Variants in INTU observed in about 807,000 individuals in gnomAD.
The protein encoded by INTU is inturned planar cell polarity protein.
INTU carries 68 observed loss-of-function variants against 100.5 expected under a neutral mutation model. The observed-to-expected ratio is 0.68, with a 90% CI of 0.56 to 0.83. The LOEUF (loss-of-function observed/expected upper bound fraction) is 0.83, where lower values mean the gene tolerates loss of function less well. Ranked by LOEUF, INTU falls within the 40% of genes least tolerant of loss-of-function variation. The pLI, the probability that INTU is intolerant of heterozygous loss-of-function variation, is 0.00. For missense variants in INTU, 1,071 were observed against 1,114.7 expected (o/e 0.96, Z 0.56); for synonymous variants, 357 against 395.7 (o/e 0.90, Z 1.16).
At chr4:127,673,609 T>C (rs967912179) in intron 5 of INTU, among the ~76,000 whole-genome samples, 4 of 151,878 alleles carry the variant, frequency 2.6e-5, no homozygotes, top group African/African-American at 9.7e-5. Context: ...TCTTTTTTCT[T>C]TTTTTGAGAT....
At chr4:127,702,989 A>G (rs2199138) in intron 9 of INTU, among the ~76,000 whole-genome samples, 1 of 152,152 alleles carries the variant, frequency 6.6e-6, no homozygotes, top group Admixed American at 6.6e-5. Flanking sequence ...GTTCCCAACT[A>G]TTTGGTTCCT....
chr4:127,658,546 G>A (rs187050622), intron 3 of INTU, among the ~76,000 whole-genome samples: 65 of 152,314 alleles, frequency 4.3e-4, no homozygotes, highest in African/African-American at 1.4e-3. Context: ...CCCAAGTGGA[G>A]TAGCTATGTA....
At chr4:127,677,084 G>A (rs564711454) in intron 6 of INTU, among the ~76,000 whole-genome samples, 38 of 152,302 alleles carry the variant, frequency 2.5e-4, no homozygotes, top group African/African-American at 8.9e-4. Context: ...CTTAGGTAAA[G>A]AAAGCAGCCG....
Position 127,663,458 on chromosome 4 carries a change from C to T in INTU, c.846C>T (p.Asn282=). The change falls in exon 4 of 16, where the codon AAC becomes AAT. Residue 282 remains asparagine, a synonymous_variant. Coordinates refer to ENST00000335251, the MANE Select transcript of INTU (RefSeq NM_015693.4). ...CAAGACAGAAAAAGACACAGTCCAA[C>T]ACAAGTGATTTAGTCAAGCTTCTCT... The part of the protein sequence containing the change: ...SHPRQKKTQS[N]TSDLVKLLWG... 1 of 1,613,400 alleles carries T rather than the reference C, an allele frequency of 6.2e-7. No homozygotes were observed. Among genetic ancestry groups the T allele is most frequent in the Non-Finnish European group, 8.5e-7 (1 of 1,179,502 alleles).
intron 6 of INTU, among the ~76,000 whole-genome samples, chr4:127,679,447 A>T (rs984525373): frequency 1.1e-4 from 16 of 152,216 alleles, no homozygotes; most frequent in Admixed American, 2.0e-4. Context: ...GGATTAAGAA[A>T]CTCACTCAAA....
chr4:127,678,931 A>G (rs1729371765), intron 6 of INTU, among the ~76,000 whole-genome samples: 1 of 152,058 alleles, frequency 6.6e-6, no homozygotes, highest in Non-Finnish European at 1.5e-5. Context: ...TGGAAAACAA[A>G]AAAAAGGCAG....
At position 127,672,393 on chromosome 4, in the gene INTU, T is replaced by C. The variant is rs1728969389; in HGVS notation, c.1092-1731T>C. 2.6e-5 allele frequency among the ~76,000 whole-genome samples: 4 copies of C among 151,984 alleles called. No individual in the cohort carries two copies. The South Asian group carries it at 8.3e-4, about 32-fold the overall frequency. ...GGCTATTTGTGACTGGCTTCTTTCA[T>C]TTAGCATAAGGAGGTGCATTCCTCC... is the stretch of plus-strand genomic sequence containing the variant. On this transcript the variant is annotated intron_variant, in intron 5 of 15. Coordinates refer to ENST00000335251, the MANE Select transcript of INTU (RefSeq NM_015693.4).
intron 5 of INTU, among the ~76,000 whole-genome samples, chr4:127,670,813 C>T (rs527772742): frequency 6.6e-6 from 1 of 151,958 alleles, no homozygotes; most frequent in East Asian, 1.9e-4. Flanking sequence ...AAGCCACATG[C>T]CTATAGCCAA....
rs1377402929 is a variant in INTU, at chr4:127,722,777, T to TCTCC, written c.*6343_*6346dup. 2 of 152,342 alleles carry TCTCC rather than the reference T, an allele frequency of 1.3e-5. No individual in the cohort carries two copies. The highest frequency in any genetic ancestry group is 2.4e-5 in the African/African-American group (1 of 41,406). The allele number at this position is 152,342 out of a possible 1,614,324, so 9.4% of individuals were successfully genotyped here. ...GCAGTGATGGCGGCCTCCCCTCCCTTCTCCCCCCTCTCCTTCCCCACTTCC... is the reference window on the plus strand; with the variant it reads ...GCAGTGATGGCGGCCTCCCCTCCCTTCTCCCTCCCCCCTCTCCTTCCCCACTTCC... On this transcript the variant is annotated 3_prime_UTR_variant, in exon 16 of 16. Transcript: ENST00000335251.
intron 7 of INTU, chr4:127,685,845 G>A (rs1729798136): frequency 6.6e-6 from 1 of 152,654 alleles, no homozygotes; most frequent in African/African-American, 2.4e-5. Flanking sequence ...GGGGACAGAG[G>A]GACTTAATTT....
chr4:127,674,138 T>C lies in INTU; in HGVS notation c.1106T>C (p.Leu369Ser). ...GTQVTSSSLL[L>S]NGKQIHVAYW... The stretch of plus-strand genomic sequence containing the variant: ...TTGTTTCTTAGTTCATCCCTCCTTT[T>C]AAATGGAAAACAAATTCATGTGGCT... Residue 369 changes from leucine to serine, a missense_variant, in exon 6 of 16, where the codon TTA becomes TCA. Leu to Ser is a moderately radical substitution (Grantham distance 145). Transcript: ENST00000335251. 6.2e-7 allele frequency: 1 copy of C among 1,611,390 alleles called. No individual in the cohort carries two copies. Among genetic ancestry groups the C allele is most frequent in the Non-Finnish European group, 8.5e-7 (1 of 1,178,562 alleles).
intron 9 of INTU, 147 bp downstream of exon 9, chr4:127,700,210 C>A: frequency 4.8e-6 from 3 of 621,572 alleles, no homozygotes; most frequent in Non-Finnish European, 8.1e-6. Context: ...ATCTATTTTG[C>A]TTGCCTTAGG....
At chr4:127,714,376 C>T (rs148591135) in intron 15 of INTU, among the ~76,000 whole-genome samples, 4 of 152,030 alleles carry the variant, frequency 2.6e-5, no homozygotes, top group African/African-American at 9.7e-5. Flanking sequence ...TTCCCCCTCT[C>T]TCCTTTCTTT....
chr4:127,696,691 T>C (rs1271293745), intron 8 of INTU, among the ~76,000 whole-genome samples: 1 of 152,156 alleles, frequency 6.6e-6, no homozygotes, highest in Non-Finnish European at 1.5e-5. Flanking sequence ...ATTTCTCCTC[T>C]AATTTTTATT....
chr4:127,667,190 T>G (rs1334497739), intron 4 of INTU, among the ~76,000 whole-genome samples: 2 of 152,226 alleles, frequency 1.3e-5, no homozygotes, highest in Non-Finnish European at 2.9e-5. Context: ...ATCCTTGCCT[T>G]TCTTTCCATG....
At chr4:127,691,286 A>G (rs908343856) in intron 8 of INTU, among the ~76,000 whole-genome samples, 1 of 152,154 alleles carries the variant, frequency 6.6e-6, no homozygotes, top group Non-Finnish European at 1.5e-5. Context: ...ATGTTTGGGC[A>G]ATTAATTCTT....
intron 15 of INTU, 115 bp from the exon 16 acceptor site, chr4:127,716,210 A>G: frequency 1.9e-6 from 1 of 526,878 alleles, no homozygotes; most frequent in Non-Finnish European, 3.4e-6. Flanking sequence ...AGATTCATGG[A>G]TTTTAAATTT....
intron 6 of INTU, among the ~76,000 whole-genome samples, chr4:127,681,196 C>G (rs1729525793): frequency 1.3e-5 from 2 of 152,140 alleles, no homozygotes; most frequent in South Asian, 4.1e-4. Context: ...TTTATAGATT[C>G]AATGCCATCC....
At position 127,710,972 on chromosome 4, in the gene INTU, G is replaced by A; in HGVS notation, c.2429G>A (p.Gly810Glu). 2 of 1,588,766 alleles carry A rather than the reference G, an allele frequency of 1.3e-6. No homozygotes were observed. The highest frequency in any genetic ancestry group is 1.7e-6 in the Non-Finnish European group (2 of 1,163,218). ...FHYVALETVQGIFITPTLEEV... is the reference protein window; with the variant it reads ...FHYVALETVQEIFITPTLEEV... Reference sequence around the variant, plus strand: ...TACGTTGCCTTAGAAACAGTGCAAGGAATCTTTATTACTCCTACCCTTGAA... The same window carrying A: ...TACGTTGCCTTAGAAACAGTGCAAGAAATCTTTATTACTCCTACCCTTGAA... Residue 810 changes from glycine to glutamate, a missense_variant, in exon 14 of 16, where the codon GGA becomes GAA. Coordinates refer to ENST00000335251, the MANE Select transcript of INTU (RefSeq NM_015693.4).
Sources: allele counts gnomAD v4.1 joint callset (sites outside exome capture counted in the v4.1 genomes callset), GRCh38; gene constraint gnomAD v4.1.1; transcripts MANE v1.5; gene names NCBI Gene and HGNC (gene_info 2026-07-23, HGNC 2026-07-21).